Variants in ICA1L observed in about 807,000 individuals in gnomAD.
The protein encoded by ICA1L is islet cell autoantigen 1-like protein.
Under a neutral mutation model 61.3 loss-of-function variants are expected in ICA1L, and 50 were observed. That is an observed-to-expected ratio of 0.82 (90% CI 0.65 to 1.03). The LOEUF is 1.03. ICA1L is among the 50% of genes least tolerant of loss of function. The pLI is 0.00. For synonymous variants in ICA1L, 161 were observed against 191.3 expected (o/e 0.84, Z 1.31); for missense variants, 508 against 556.7 (o/e 0.91, Z 0.88).
At chr2:202,840,056 A>AT (rs1366857889) in intron 1 of ICA1L, among the ~76,000 whole-genome samples, 6 of 78,456 alleles carry the variant, frequency 7.6e-5, no homozygotes, top group African/African-American at 1.5e-4. Context: ...CATTATTATT[A>AT]TTTTTTTTAA....
chr2:202,812,421 ACAAAAATT>A (rs936422999), intron 8 of ICA1L, among the ~76,000 whole-genome samples: 1 of 152,110 alleles, frequency 6.6e-6, no homozygotes, highest in African/African-American at 2.4e-5. Flanking sequence ...TACCAAAAAT[ACAAAAATT>A]AGCTGGGCAT....
At chr2:202,792,679 G>A (rs373884007) in intron 10 of ICA1L, among the ~76,000 whole-genome samples, 4 of 151,934 alleles carry the variant, frequency 2.6e-5, no homozygotes, top group African/African-American at 7.3e-5. Context: ...GGTGACACAC[G>A]CCTGTAGTCC....
At position 202,812,580 on chromosome 2, in the gene ICA1L, C is replaced by CA. The variant is rs200962087; in HGVS notation, c.867-792dup. Among the ~76,000 whole-genome samples the CA allele has an allele frequency of 6.8e-3, 939 of 138,274 alleles. 31 individuals carry two copies. The East Asian group carries it at 0.11, about 16-fold the overall frequency. 90.7% of individuals were successfully genotyped at this position (138,274 alleles called of 152,430 possible). A position where few individuals can be genotyped will look rare whatever the true frequency, so the allele number is the denominator to read the frequency against. ...TGACAGGGCAAGACTCCGTCTCAAACAAAAAAAAAAAGAAATTGAACACAG... is the reference window on the plus strand; with the variant it reads ...TGACAGGGCAAGACTCCGTCTCAAACAAAAAAAAAAAAGAAATTGAACACAG... On this transcript the variant is annotated intron_variant, in intron 8 of 12. Coordinates refer to ENST00000358299, the MANE Select transcript of ICA1L (RefSeq NM_001288622.3).
At chr2:202,865,771 T>C (rs762756425) in intron 1 of ICA1L, among the ~76,000 whole-genome samples, 2 of 152,246 alleles carry the variant, frequency 1.3e-5, no homozygotes, top group South Asian at 2.1e-4. Flanking sequence ...TATATATTAG[T>C]AGCAAACAAT....
intron 1 of ICA1L, among the ~76,000 whole-genome samples, chr2:202,861,652 T>C: frequency 6.6e-6 from 1 of 151,470 alleles, no homozygotes; most frequent in Non-Finnish European, 1.5e-5. Flanking sequence ...TTTGGGAGGC[T>C]GAGGCGGGCG....
chr2:202,816,495 A>G (rs1693538298), intron 6 of ICA1L, among the ~76,000 whole-genome samples: 1 of 152,234 alleles, frequency 6.6e-6, no homozygotes, highest in African/African-American at 2.4e-5. Context: ...TGTGTTCTCA[A>G]GCTAACTCAA....
chr2:202,803,025 C>T (rs1175269528), intron 9 of ICA1L, among the ~76,000 whole-genome samples: 1 of 151,804 alleles, frequency 6.6e-6, no homozygotes, highest in Non-Finnish European at 1.5e-5. Flanking sequence ...GGGCTAAACT[C>T]GCCAGTTAAA....
At chr2:202,853,004 G>A (rs1694672498) in intron 1 of ICA1L, among the ~76,000 whole-genome samples, 1 of 151,868 alleles carries the variant, frequency 6.6e-6, no homozygotes, top group South Asian at 2.1e-4. Context: ...GCCATATATA[G>A]AAAGCTGAAA....
In ICA1L at chr2:202,849,096, T is replaced by C. The variant is rs901687650; in HGVS notation, c.-7-20080A>G. 6.6e-6 allele frequency among the ~76,000 whole-genome samples: 1 copy of C among 152,156 alleles called. No individual in the cohort carries two copies. The highest frequency in any genetic ancestry group is 2.4e-5 in the African/African-American group (1 of 41,430). ...GAGGGACTGTGCTGTCTGGCCCAGA[T>C]ACTATGCTTTTCTCACAGTTTTTGC... is the stretch of plus-strand genomic sequence containing the variant. On this transcript the variant is annotated intron_variant, in intron 1 of 12. Transcript: ENST00000358299. The surrounding 1 kb of genome is among the most constrained non-coding windows in gnomAD (Gnocchi z 4.5).
At chr2:202,825,870 T>G (rs1693829716) in intron 2 of ICA1L, 103 bp from the exon 3 acceptor site, 1 of 615,634 alleles carries the variant, frequency 1.6e-6, no homozygotes, top group East Asian at 3.4e-5. Flanking sequence ...TTATGTCTGT[T>G]TTAAAAACAT....
At chr2:202,781,573 CAAAAA>C (rs200593045) in intron 12 of ICA1L, among the ~76,000 whole-genome samples, 2 of 103,724 alleles carry the variant, frequency 1.9e-5, no homozygotes, top group African/African-American at 3.5e-5. Flanking sequence ...GACCCTGTCT[CAAAAA>C]AAAAAAAAAA....
chr2:202,860,698 G>A (rs369196805), intron 1 of ICA1L, among the ~76,000 whole-genome samples: 7 of 152,026 alleles, frequency 4.6e-5, no homozygotes, highest in African/African-American at 1.7e-4. Context: ...ATTACAGTGT[G>A]CCAAGATCAC....
chr2:202,779,488 C>T lies in ICA1L; in HGVS notation c.*45G>A, dbSNP rs1259914878. 8.3e-7 allele frequency: 1 copy of T among 1,200,446 alleles called. No individual in the cohort carries two copies. Among genetic ancestry groups the T allele is most frequent in the Admixed American group, 2.0e-5 (1 of 50,864 alleles). 74.4% of individuals were successfully genotyped at this position (1,200,446 alleles called of 1,614,324 possible). ...TCCTTTCCACGAAGGAAATACGTTGCAAAATTGATGTCTCAAGGCCACTGA... is the reference window on the plus strand; with the variant it reads ...TCCTTTCCACGAAGGAAATACGTTGTAAAATTGATGTCTCAAGGCCACTGA... On this transcript the variant is annotated 3_prime_UTR_variant, in exon 13 of 13. Transcript: ENST00000358299.
At chr2:202,823,402 T>C (rs1416503689) in intron 3 of ICA1L, among the ~76,000 whole-genome samples, 1 of 152,172 alleles carries the variant, frequency 6.6e-6, no homozygotes, top group Non-Finnish European at 1.5e-5. Context: ...GTGTTTCCCT[T>C]CCTTATTCTG....
At chr2:202,789,956 G>A (rs1037504022) in intron 10 of ICA1L, among the ~76,000 whole-genome samples, 38 of 152,204 alleles carry the variant, frequency 2.5e-4, no homozygotes, top group Admixed American at 2.5e-3. Flanking sequence ...AAGCAGGCCA[G>A]TCCTAGCTGG....
chr2:202,824,127 G>A (rs1299359712), intron 3 of ICA1L, among the ~76,000 whole-genome samples: 2 of 152,210 alleles, frequency 1.3e-5, no homozygotes, highest in African/African-American at 4.8e-5. Context: ...TCCTGGCGAG[G>A]TGCAGTGGCT....
At chr2:202,843,209 C>T (rs527327150) in intron 1 of ICA1L, among the ~76,000 whole-genome samples, 1 of 152,238 alleles carries the variant, frequency 6.6e-6, no homozygotes, top group East Asian at 1.9e-4. Flanking sequence ...TGTTGCCTTA[C>T]ATTAATGTCT....
At chr2:202,869,545 G>T (rs1046354788) in intron 1 of ICA1L, 2 of 152,098 alleles carry the variant, frequency 1.3e-5, no homozygotes, top group Non-Finnish European at 2.9e-5. Flanking sequence ...CCTGATAACG[G>T]ATGGGTGGGA....
At chr2:202,781,105 A>G (rs569820580) in intron 12 of ICA1L, among the ~76,000 whole-genome samples, 1 of 152,340 alleles carries the variant, frequency 6.6e-6, no homozygotes, top group South Asian at 2.1e-4. Context: ...ACAATGGGAA[A>G]TAAAGGTCTG....
Sources: gnomAD v4.1 joint callset for allele counts (sites outside exome capture counted in the v4.1 genomes callset) on GRCh38, gnomAD v4.1.1 for gene constraint, Gnocchi (gnomAD v3.1) non-coding constraint, MANE v1.5 for transcripts, NCBI Gene and HGNC (gene_info 2026-07-23, HGNC 2026-07-21) for gene names.